TMEM150B: variants seen among roughly 807,000 people sequenced by gnomAD.
TMEM150B encodes transmembrane protein 150B, also known as modulator of macroautophagy TMEM150B.
Under a neutral mutation model 25.2 loss-of-function variants are expected in TMEM150B, and 33 were observed. The ratio of observed to expected loss-of-function variants is 1.31; its 90% CI spans 0.99 to 1.75. The LOEUF (loss-of-function observed/expected upper bound fraction) is 1.75. Among genes scored for constraint, TMEM150B ranks in the 40% most tolerant of loss-of-function variants. The pLI is 0.00. For missense variants in TMEM150B, 322 were observed against 306.1 expected, an observed-to-expected ratio of 1.05 and a Z score of -0.39; for synonymous variants, 133 against 134.8, an observed-to-expected ratio of 0.99 and a Z score of 0.09.
rs957708199 is a variant in TMEM150B at position 55,323,933 on chromosome 19, A to G, written c.-153-1190T>C. 6.3e-4 allele frequency among the ~76,000 whole-genome samples: 95 copies of G among 149,902 alleles called. 1 individual carries two copies. Among genetic ancestry groups the G allele is most frequent in the Admixed American group, 1.1e-3 (16 of 15,020 alleles). On this transcript the variant is annotated intron_variant, in intron 1 of 7. Transcript: ENST00000326652. ...GTGATTCTCATGCCTCAGCCTCCCAAGTAGCTGGGATTACAGGTGCCCGCC... is the reference window on the plus strand; with the variant it reads ...GTGATTCTCATGCCTCAGCCTCCCAGGTAGCTGGGATTACAGGTGCCCGCC...
intron 6 of TMEM150B, among the ~76,000 whole-genome samples, chr19:55,317,448 C>A (rs1019483919): frequency 2.0e-5 from 3 of 152,036 alleles, no homozygotes; most frequent in African/African-American, 7.2e-5. Context: ...GAGTTCAAGA[C>A]CCACCTGAGC....
Position 55,320,962 on chromosome 19 carries a change from C to A in TMEM150B, c.68+7G>T, listed in dbSNP as rs368598237. On this transcript the variant is annotated splice_region_variant and intron_variant, in intron 3 of 7. Transcript: ENST00000326652. ...ACCCAGGAGTCCATCATGCCTCTGA[C>A]ACTCACACGATCCAGACGCCAGAGA... 2.1e-5 allele frequency: 34 copies of A among 1,613,430 alleles called. No individual in the cohort carries two copies. Among genetic ancestry groups the A allele is most frequent in the Non-Finnish European group, 2.9e-5 (34 of 1,179,702 alleles).
intron 7 of TMEM150B, among the ~76,000 whole-genome samples, chr19:55,315,822 T>C (rs2088980158): frequency 6.7e-6 from 1 of 148,626 alleles, no homozygotes; most frequent in Non-Finnish European, 1.5e-5. Flanking sequence ...CCCAGCTACG[T>C]GGAAGGCTGA....
At chr19:55,314,268 C>T (rs1488037282) in intron 7 of TMEM150B, among the ~76,000 whole-genome samples, 1 of 152,142 alleles carries the variant, frequency 6.6e-6, no homozygotes, top group Admixed American at 6.5e-5. Context: ...GTCATCCGCC[C>T]GCCTTAGTCT....
chr19:55,314,452 C>T (rs796255675), intron 7 of TMEM150B, among the ~76,000 whole-genome samples: 7 of 152,278 alleles, frequency 4.6e-5, no homozygotes, highest in Admixed American at 1.3e-4. Flanking sequence ...CTGCTCGGTG[C>T]GTGTACCTGC....
At chr19:55,311,594 T>C (rs1173642759), downstream of TMEM150B, among the ~76,000 whole-genome samples, 1 of 152,138 alleles carries the variant, frequency 6.6e-6, no homozygotes. Flanking sequence ...TAGCGAACAG[T>C]ATCATAACCA....
rs1213943775 is a variant in TMEM150B at position 55,313,009 on chromosome 19, G to T, written c.552C>A (p.Cys184Ter). Residue 184 changes from cysteine to a stop codon, truncating the protein, a stop_gained, in exon 8 of 8, where the codon TGC (cysteine) becomes TGA (stop). Transcript: ENST00000326652. LOFTEE classifies it low-confidence loss of function (END_TRUNC). ...ACAGCAGCATGGCCACGACCCACTCGCAGGCCGCAGAGACGCTACGCAGCG... is the reference window on the plus strand; with the variant it reads ...ACAGCAGCATGGCCACGACCCACTCTCAGGCCGCAGAGACGCTACGCAGCG... Reference protein sequence around the residue: ...ACSLRSVSAACEWVVAMLLFA... With the variant: ...ACSLRSVSAA The T allele has an allele frequency of 6.2e-6, 10 of 1,613,502 alleles. No individual in the cohort carries two copies. The highest frequency in any genetic ancestry group is 8.5e-6 in the Non-Finnish European group (10 of 1,179,826).
chr19:55,317,364 G>A (rs1002360568), intron 6 of TMEM150B, among the ~76,000 whole-genome samples: 7 of 151,962 alleles, frequency 4.6e-5, no homozygotes, highest in African/African-American at 9.7e-5. Flanking sequence ...TTAAAATTTT[G>A]GCCTGGTGCG....
Position 55,320,131 on chromosome 19 carries a change from G to A in TMEM150B, c.232C>T (p.Arg78Trp), listed in dbSNP as rs1283498816. 2 of 1,614,138 alleles carry A rather than the reference G, an allele frequency of 1.2e-6. No individual in the cohort carries two copies. Among genetic ancestry groups the A allele is most frequent in the Non-Finnish European group, 1.7e-6 (2 of 1,180,022 alleles). Residue 78 changes from arginine to tryptophan, a missense_variant, in exon 6 of 8, where the codon CGG becomes TGG. Transcript: ENST00000326652. The part of the protein sequence containing the change: ...WICIVRYHQL[R>W]DWGVRRWPNQ... ...GGCCACCTTCTGACGCCCCAGTCCC[G>A]GAGCTGGTGGTAACGGACAATGCAG...
intron 3 of TMEM150B, among the ~76,000 whole-genome samples, 166 bp downstream of exon 3, chr19:55,320,803 C>A (rs2089184882): frequency 6.9e-6 from 1 of 144,502 alleles, no homozygotes; most frequent in South Asian, 2.3e-4. Context: ...GGAGTCCAGA[C>A]CCCCAGCCCC....
At position 55,324,433 on chromosome 19, in the gene TMEM150B, A is replaced by G. The variant is rs1398692305; in HGVS notation, c.-154+839T>C. On this transcript the variant is annotated intron_variant, in intron 1 of 7. Coordinates refer to ENST00000326652, the MANE Select transcript of TMEM150B (RefSeq NM_001282011.2). Reference sequence around the variant, plus strand: ...GGGAGGCCGAGGTGGGCAGATCATGAGATCAGGAGTTTGAGACCAGCCTGG... The same window carrying G: ...GGGAGGCCGAGGTGGGCAGATCATGGGATCAGGAGTTTGAGACCAGCCTGG... 2.0e-4 allele frequency among the ~76,000 whole-genome samples: 30 copies of G among 152,104 alleles called. No individual in the cohort carries two copies. The East Asian group carries it at 5.5e-3, about 28-fold the overall frequency.
Position 55,320,111 on chromosome 19 carries a change from C to G in TMEM150B, c.252G>C (p.Arg84Ser). ...TCCATAGGATCAGCTGGTTAGGCCA[C>G]CTTCTGACGCCCCAGTCCCGGAGCT... is the stretch of plus-strand genomic sequence containing the variant. Reference protein sequence around the residue: ...YHQLRDWGVRRWPNQLILWTG... With the variant: ...YHQLRDWGVRSWPNQLILWTG... Residue 84 changes from arginine (R) to serine (S), a missense_variant, in exon 6 of 8, where the codon AGG becomes AGC. By Grantham distance (110) the Arg-to-Ser change is moderately radical. Coordinates refer to ENST00000326652, the MANE Select transcript of TMEM150B (RefSeq NM_001282011.2). 6.2e-7 allele frequency: 1 copy of G among 1,614,126 alleles called. No individual in the cohort carries two copies. Among genetic ancestry groups the G allele is most frequent in the Non-Finnish European group, 8.5e-7 (1 of 1,180,016 alleles).
chr19:55,324,514 G>A (rs1167490807), intron 1 of TMEM150B, among the ~76,000 whole-genome samples: 1 of 152,224 alleles, frequency 6.6e-6, no homozygotes, highest in Non-Finnish European at 1.5e-5. Flanking sequence ...CGGGTGTGGT[G>A]GCAGGCACCT....
chr19:55,320,694 C>T, intron 3 of TMEM150B, 77 bp from the exon 4 acceptor site: 1 of 1,563,448 alleles, frequency 6.4e-7, no homozygotes, highest in Non-Finnish European at 8.8e-7. Context: ...ACAAGGACTT[C>T]TAGCCCCCTC....
chr19:55,316,774 C>A lies in TMEM150B; in HGVS notation c.505+12G>T. Reference sequence around the variant, plus strand: ...CCACCTCCAAGCCCTACCCCGGATACAAGAAGGATACTGGCCACAATGAGG... The same window carrying A: ...CCACCTCCAAGCCCTACCCCGGATAAAAGAAGGATACTGGCCACAATGAGG... On this transcript the variant is annotated intron_variant, in intron 7 of 7. Coordinates refer to ENST00000326652, the MANE Select transcript of TMEM150B (RefSeq NM_001282011.2). 1 of 1,493,546 alleles carries A rather than the reference C, an allele frequency of 6.7e-7. No homozygotes were observed. Among genetic ancestry groups the A allele is most frequent in the South Asian group, 1.4e-5 (1 of 72,064 alleles). The allele number at this position is 1,493,546 out of a possible 1,614,324, so 92.5% of individuals were successfully genotyped here.
At position 55,321,010 on chromosome 19, in the gene TMEM150B, A is replaced by C; in HGVS notation, c.27T>G (p.Pro9=). The C allele has an allele frequency of 6.2e-7, 1 of 1,613,880 alleles. No individual in the cohort carries two copies. Among genetic ancestry groups the C allele is most frequent in the Non-Finnish European group, 8.5e-7 (1 of 1,179,856 alleles). The change falls in exon 3 of 8, where the codon CCT becomes CCG. Residue 9 remains proline, a synonymous_variant. Coordinates refer to ENST00000326652, the MANE Select transcript of TMEM150B (RefSeq NM_001282011.2). ...AGATAGCCCAGACAGCTAGGAAGAC[A>C]GGCATCAGCGACAGGTAGCCCCACA... is the stretch of plus-strand genomic sequence containing the variant. MWGYLSLM[P]VFLAVWAISG...
At chr19:55,317,833 A>G (rs2089058698) in intron 6 of TMEM150B, among the ~76,000 whole-genome samples, 1 of 152,002 alleles carries the variant, frequency 6.6e-6, no homozygotes, top group African/African-American at 2.4e-5. Flanking sequence ...CAGGCCTGTA[A>G]TCCCAGCTAC....
chr19:55,312,597 C>G (rs1600206547), downstream of TMEM150B: 5 of 361,790 alleles, frequency 1.4e-5, no homozygotes, highest in African/African-American at 6.5e-5. Context: ...TCAGGGACAG[C>G]TGGCTGGCCT....
chr19:55,322,639 G>A lies in TMEM150B; in HGVS notation c.-58+9C>T, dbSNP rs1177980062. On this transcript the variant is annotated intron_variant, in intron 2 of 7. Transcript: ENST00000326652. ...CTCCCAGCCTCCAGGGCCTCCCCAG[G>A]ATGCTCACCTCTCCAAGCTTCCTGG... is the stretch of plus-strand genomic sequence containing the variant. 1.0e-6 allele frequency: 1 copy of A among 984,942 alleles called. No individual in the cohort carries two copies. The highest frequency in any genetic ancestry group is 1.2e-6 in the Non-Finnish European group (1 of 829,794). 61.0% of individuals were successfully genotyped at this position (984,942 alleles called of 1,614,324 possible).
Sources: allele counts gnomAD v4.1 joint callset (sites outside exome capture counted in the v4.1 genomes callset), GRCh38; gene constraint gnomAD v4.1.1; transcripts MANE v1.5; gene names NCBI Gene and HGNC (gene_info 2026-07-23, HGNC 2026-07-21).